The following CAB39 variants were observed in gnomAD, a reference collection of about 807,000 sequenced individuals.
The protein encoded by CAB39 is calcium binding protein 39, also known as calcium-binding protein 39.
Under a neutral mutation model 40.0 loss-of-function variants are expected in CAB39, and 8 were observed. The ratio of observed to expected loss-of-function variants is 0.20; its 90% CI spans 0.12 to 0.36. CAB39 has a LOEUF of 0.36. CAB39 is among the 10% of genes least tolerant of loss of function. CAB39 has a pLI of 1.00. For missense variants in CAB39, 270 were observed against 401.1 expected, an observed-to-expected ratio of 0.67 and a Z score of 2.79; for synonymous variants, 156 against 141.6, an observed-to-expected ratio of 1.10 and a Z score of -0.72.
chr2:230,748,300 T>C (rs2459926), intron 1 of CAB39, among the ~76,000 whole-genome samples: 152,117 of 152,160 alleles, frequency 1, 76,037 homozygotes, highest in Middle Eastern at 1. Context: ...TGTAGTTGGG[T>C]GGGGTGGGCA....
chr2:230,775,277 C>T (rs892292545), intron 2 of CAB39, among the ~76,000 whole-genome samples: 18 of 149,598 alleles, frequency 1.2e-4, no homozygotes, highest in African/African-American at 4.0e-4. Context: ...AGCTCTGTTG[C>T]GAGGCTGGAG....
intron 7 of CAB39, among the ~76,000 whole-genome samples, chr2:230,816,853 T>C (rs1164238902): frequency 6.6e-6 from 1 of 151,728 alleles, no homozygotes; most frequent in Admixed American, 6.6e-5. Context: ...TCACAAGAAG[T>C]AGGGAGCCAG....
chr2:230,782,809 C>CTTTTTTTTTTTTT lies in CAB39; in HGVS notation c.115-8060_115-8059insTTTTTTTTTTTTT, dbSNP rs1408052300. 1.6e-3 allele frequency among the ~76,000 whole-genome samples: 180 copies of CTTTTTTTTTTTTT among 112,374 alleles called. 7 individuals are homozygous for CTTTTTTTTTTTTT. The highest frequency in any genetic ancestry group is 2.6e-3 in the African/African-American group (55 of 21,036). 73.7% of individuals were successfully genotyped at this position (112,374 alleles called of 152,430 possible). A position where few individuals can be genotyped will look rare whatever the true frequency, so the allele number is the denominator to read the frequency against. On this transcript the variant is annotated intron_variant, in intron 2 of 8. Transcript: ENST00000258418. ...CTGCTGTTTCTTTCTTTCTTTCTTTCTTTCTTTTTTTTTTTTTTTTTTTGA... is the reference window on the plus strand; with the variant it reads ...CTGCTGTTTCTTTCTTTCTTTCTTTCTTTTTTTTTTTTTTTTCTTTTTTTTTTTTTTTTTTTGA...
chr2:230,734,884 CTG>C (rs1694759308), intron 1 of CAB39, among the ~76,000 whole-genome samples: 2 of 152,148 alleles, frequency 1.3e-5, no homozygotes, highest in Admixed American at 6.5e-5. Context: ...GGGTGGAACA[CTG>C]TTCTGCATTA....
intron 1 of CAB39, among the ~76,000 whole-genome samples, chr2:230,739,724 C>T (rs540081739): frequency 6.6e-6 from 1 of 152,308 alleles, no homozygotes; most frequent in African/African-American, 2.4e-5. Context: ...GAACTCCCGA[C>T]CTCGGGTGAT....
At chr2:230,786,328 CCTGT>C (rs151004595) in intron 2 of CAB39, among the ~76,000 whole-genome samples, 2,511 of 150,960 alleles carry the variant, frequency 0.017, 63 homozygotes, top group African/African-American at 0.051. Flanking sequence ...TAATTATGTT[CCTGT>C]CTCTCTCTTT....
Position 230,773,322 on chromosome 2 carries a change from G to A in CAB39, c.114+13207G>A, listed in dbSNP as rs1013421670. Among the ~76,000 whole-genome samples, 246 of 149,554 alleles carry A rather than the reference G, an allele frequency of 1.6e-3. 1 individual carries two copies. Among genetic ancestry groups the A allele is most frequent in the African/African-American group, 5.8e-3 (234 of 40,144 alleles). On this transcript the variant is annotated intron_variant, in intron 2 of 8. Transcript: ENST00000258418. ...TGTATATATATATATATATGTGTGTGTGTGTGTGTGTGTGTGTGTGTGTGT... is the reference window on the plus strand; with the variant it reads ...TGTATATATATATATATATGTGTGTATGTGTGTGTGTGTGTGTGTGTGTGT...
intron 1 of CAB39, among the ~76,000 whole-genome samples, chr2:230,748,253 C>CA (rs1695010535): frequency 6.6e-6 from 1 of 152,028 alleles, no homozygotes; most frequent in Non-Finnish European, 1.5e-5. Flanking sequence ...GCCTGTAGAC[C>CA]AACCGCTAGA....
chr2:230,761,991 TCTAC>T (rs1695303382), intron 2 of CAB39, among the ~76,000 whole-genome samples: 1 of 152,036 alleles, frequency 6.6e-6, no homozygotes, highest in Admixed American at 6.6e-5. Context: ...CACTGTAACC[TCTAC>T]GTTCCATGTT....
chr2:230,749,405 A>G (rs899779769), intron 1 of CAB39, among the ~76,000 whole-genome samples: 1 of 152,084 alleles, frequency 6.6e-6, no homozygotes, highest in African/African-American at 2.4e-5. Flanking sequence ...ATGATCATGT[A>G]TTGATTTTTT....
At chr2:230,734,846 G>A (rs1254101656) in intron 1 of CAB39, among the ~76,000 whole-genome samples, 2 of 152,228 alleles carry the variant, frequency 1.3e-5, no homozygotes, top group Admixed American at 6.5e-5. Context: ...CAACTGTGGA[G>A]GGAGGAACTG....
At chr2:230,714,447 C>G (rs1318410722) in intron 1 of CAB39, among the ~76,000 whole-genome samples, 1 of 152,210 alleles carries the variant, frequency 6.6e-6, no homozygotes, top group Non-Finnish European at 1.5e-5. Flanking sequence ...CATTAGATAT[C>G]AGGCTCTTAA....
At chr2:230,748,829 A>ATATATATATATAT (rs1262628500) in intron 1 of CAB39, among the ~76,000 whole-genome samples, 7 of 46,412 alleles carry the variant, frequency 1.5e-4, no homozygotes, top group Admixed American at 2.9e-4. Context: ...AAAAAAAAAA[A>ATATATATATATAT]AAATATATAT....
At chr2:230,789,440 T>C (rs1695853961) in intron 2 of CAB39, among the ~76,000 whole-genome samples, 1 of 152,248 alleles carries the variant, frequency 6.6e-6, no homozygotes, top group South Asian at 2.1e-4. Flanking sequence ...CCAGGATTGC[T>C]GTTAAGCTTT....
chr2:230,762,543 G>C (rs1695313680), intron 2 of CAB39, among the ~76,000 whole-genome samples: 1 of 152,176 alleles, frequency 6.6e-6, no homozygotes, highest in African/African-American at 2.4e-5. Context: ...GGAGAGAGCA[G>C]ACCCCACAGA....
intron 4 of CAB39, among the ~76,000 whole-genome samples, chr2:230,797,767 A>C (rs1696015332): frequency 6.6e-6 from 1 of 152,194 alleles, no homozygotes; most frequent in Non-Finnish European, 1.5e-5. Context: ...TCAGAGAGAT[A>C]GAAAGGAGAA....
intron 1 of CAB39, among the ~76,000 whole-genome samples, chr2:230,756,073 C>T (rs1348194619): frequency 1.3e-5 from 2 of 152,212 alleles, no homozygotes; most frequent in East Asian, 3.8e-4. Flanking sequence ...GAAGAGTCCA[C>T]TCTTAAAGGT....
At chr2:230,774,918 T>C (rs1695559586) in intron 2 of CAB39, among the ~76,000 whole-genome samples, 1 of 152,236 alleles carries the variant, frequency 6.6e-6, no homozygotes, top group African/African-American at 2.4e-5. Context: ...AATGTGATAA[T>C]AGAATTGTTC....
intron 1 of CAB39, among the ~76,000 whole-genome samples, chr2:230,739,540 G>A (rs893143693): frequency 6.6e-6 from 1 of 152,204 alleles, no homozygotes; most frequent in African/African-American, 2.4e-5. Flanking sequence ...TGTTGCCCAG[G>A]CTGGAGTGGA....
Sources: allele counts gnomAD v4.1 joint callset (sites outside exome capture counted in the v4.1 genomes callset), GRCh38; gene constraint gnomAD v4.1.1; transcripts MANE v1.5; gene names NCBI Gene and HGNC (gene_info 2026-07-23, HGNC 2026-07-21).